The following PCLO variants were observed in gnomAD, a reference collection of about 807,000 sequenced individuals.
The protein encoded by PCLO is piccolo presynaptic cytomatrix protein, also known as protein piccolo.
PCLO carries 82 observed loss-of-function variants against 427.5 expected under a neutral mutation model. The ratio of observed to expected loss-of-function variants is 0.19; its 90% CI spans 0.16 to 0.23. PCLO has a LOEUF of 0.23. PCLO is among the 10% of genes least tolerant of loss of function. PCLO has a pLI of 1.00. For synonymous variants in PCLO, 2,357 were observed against 2,155.4 expected, an observed-to-expected ratio of 1.09 and a Z score of -2.59; for missense variants, 6,239 against 6,115.9, an observed-to-expected ratio of 1.02 and a Z score of -0.67.
At chr7:82,819,767 G>T (rs541273872) in intron 20 of PCLO, among the ~76,000 whole-genome samples, 3 of 152,148 alleles carry the variant, frequency 2.0e-5, no homozygotes, top group Admixed American at 2.0e-4. Flanking sequence ...TTAATAGGGA[G>T]AAGGACATAT....
At chr7:83,131,747 CAAGAA>C (rs1442929104) in intron 3 of PCLO, among the ~76,000 whole-genome samples, 1 of 151,780 alleles carries the variant, frequency 6.6e-6, no homozygotes, top group African/African-American at 2.4e-5. Context: ...TATTAGGTCA[CAAGAA>C]ACATATTACA....
intron 1 of PCLO, among the ~76,000 whole-genome samples, chr7:83,161,708 G>T (rs1433148724): frequency 6.6e-6 from 1 of 152,188 alleles, no homozygotes; most frequent in East Asian, 1.9e-4. Context: ...AATAGCATAT[G>T]CTAATTTAGA....
Position 82,956,951 on chromosome 7 carries a change from A to C in PCLO, c.4018-16T>G. The stretch of plus-strand genomic sequence containing the variant: ...CTTCCTTTTCCTAAGCAGGGAGATA[A>C]AGATACAGGAAAACTTAACATGGTT... On this transcript the variant is annotated splice_polypyrimidine_tract_variant and intron_variant, in intron 4 of 24. Transcript: ENST00000333891. The C allele has an allele frequency of 6.4e-7, 1 of 1,550,874 alleles. No homozygotes were observed. Among genetic ancestry groups the C allele is most frequent in the Non-Finnish European group, 8.7e-7 (1 of 1,150,672 alleles).
At position 82,950,096 on chromosome 7, in the gene PCLO, C is replaced by T. The variant is rs1221245740; in HGVS notation, c.10492G>A (p.Gly3498Ser). 1.2e-6 allele frequency: 2 copies of T among 1,605,932 alleles called. No individual in the cohort carries two copies. Among genetic ancestry groups the T allele is most frequent in the South Asian group, 2.2e-5 (2 of 90,574 alleles). Residue 3498 changes from glycine to serine, a missense_variant, in exon 6 of 25, where the codon GGT (glycine) becomes AGT (serine). This residue lies in a region of PCLO where 4,677 missense variants were observed against 4,468.4 expected (regional missense o/e 1.05). Transcript: ENST00000333891. ...TTGTCAGCCTCTGTCATGCTGTCAC[C>T]ATATTTCCCTACACGAGCTTTCCTC... ...SRRKARVGKY[G>S]DSMTEADKTK...
At chr7:82,892,085 TCATATGGAACCAAAAAAGAGCCCGCA>T (rs1488292252) in intron 9 of PCLO, among the ~76,000 whole-genome samples, 9 of 152,064 alleles carry the variant, frequency 5.9e-5, no homozygotes, top group African/African-American at 2.2e-4. Flanking sequence ...ACTTTAAAGT[TCATATGGAACCAAAAAAGAGCCCGCA>T]TAGCCAAGTC....
chr7:82,765,396 T>G (rs763296), intron 22 of PCLO, among the ~76,000 whole-genome samples: 72,881 of 151,326 alleles, frequency 0.48, 18,434 homozygotes, highest in East Asian at 0.72. Context: ...ATAATAAAGA[T>G]GTCCACTAAA....
chr7:83,115,026 T>G (rs550566155), intron 3 of PCLO, among the ~76,000 whole-genome samples: 1 of 152,216 alleles, frequency 6.6e-6, no homozygotes, highest in South Asian at 2.1e-4. Flanking sequence ...TAGTTACTCA[T>G]GTTATTGCAG....
chr7:82,980,277 T>C (rs191449124), intron 3 of PCLO, among the ~76,000 whole-genome samples: 1 of 152,286 alleles, frequency 6.6e-6, no homozygotes, highest in East Asian at 1.9e-4. Context: ...ACATGTGGAA[T>C]GCTTTATTTT....
chr7:83,038,203 C>A (rs1788880008), intron 3 of PCLO, among the ~76,000 whole-genome samples: 1 of 144,602 alleles, frequency 6.9e-6, no homozygotes, highest in Non-Finnish European at 1.5e-5. Context: ...CATACACACA[C>A]ATATATGTGT....
intron 9 of PCLO, among the ~76,000 whole-genome samples, chr7:82,890,666 C>T (rs549669564): frequency 1.3e-4 from 19 of 151,708 alleles, no homozygotes; most frequent in Admixed American, 7.9e-4. Flanking sequence ...AAAACTAATC[C>T]GCTAATCACA....
At chr7:82,917,402 T>C (rs923047530) in intron 6 of PCLO, among the ~76,000 whole-genome samples, 11 of 152,114 alleles carry the variant, frequency 7.2e-5, no homozygotes, top group Non-Finnish European at 1.5e-4. Flanking sequence ...TTGACTTTAT[T>C]ATCCTGCAGT....
At chr7:83,045,245 C>T (rs1562936655) in intron 3 of PCLO, among the ~76,000 whole-genome samples, 1 of 152,078 alleles carries the variant, frequency 6.6e-6, no homozygotes, top group Non-Finnish European at 1.5e-5. Flanking sequence ...GAGAAAAGAG[C>T]AGCACTCCAG....
chr7:82,993,068 C>T (rs1349755516), intron 3 of PCLO, among the ~76,000 whole-genome samples: 2 of 151,970 alleles, frequency 1.3e-5, no homozygotes, highest in Non-Finnish European at 2.9e-5. Flanking sequence ...TGTATTTGAT[C>T]TTCCCTCCCA....
Position 82,955,042 on chromosome 7 carries a change from C to A in PCLO, c.5911G>T (p.Gly1971Cys). The A allele has an allele frequency of 6.2e-7, 1 of 1,613,812 alleles. No individual in the cohort carries two copies. Among genetic ancestry groups the A allele is most frequent in the South Asian group, 1.1e-5 (1 of 91,084 alleles). ...VEDTYNGSVD[G>C]SLLTRQEEEN... ...TCTTCTTGCCTTGTTAGCAGACTGC[C>A]ATCTACCGATCCATTGTACGTGTCT... Residue 1971 changes from glycine (G) to cysteine (C), a missense_variant, in exon 5 of 25, where the codon GGC becomes TGC. Gly to Cys is a radical substitution (Grantham distance 159). This residue lies in a region of PCLO where 4,677 missense variants were observed against 4,468.4 expected (regional missense o/e 1.05). Coordinates refer to ENST00000333891, the MANE Select transcript of PCLO (RefSeq NM_033026.6).
rs74669090 is a variant in PCLO, at chr7:82,783,852, C to G, written c.15007+17666G>C. ...CCAATTGCTTCTCTCTCTCTTACCC[C>G]TGAAGTAATCATTATTAACTTGATT... On this transcript the variant is annotated intron_variant, in intron 22 of 24. Coordinates refer to ENST00000333891, the MANE Select transcript of PCLO (RefSeq NM_033026.6). 3.7e-3 allele frequency among the ~76,000 whole-genome samples: 560 copies of G among 151,782 alleles called. 7 individuals carry two copies. Among genetic ancestry groups the G allele is most frequent in the African/African-American group, 0.013 (532 of 41,400 alleles).
At chr7:82,923,539 T>C (rs1183718213) in intron 6 of PCLO, among the ~76,000 whole-genome samples, 1 of 152,116 alleles carries the variant, frequency 6.6e-6, no homozygotes, top group Admixed American at 6.6e-5. Flanking sequence ...AAACTGTAAA[T>C]GTGCAATCAC....
Position 82,824,329 on chromosome 7 carries a change from C to T in PCLO, c.14503G>A (p.Gly4835Ser). ...LKEQTESIDH[G>S]KSHSSQSSQQ... The stretch of plus-strand genomic sequence containing the variant: ...CTGCTCTGACTGGAATGAGACTTGC[C>T]ATGATCAATGCTTTCAGTCTGTTCT... The change falls in exon 19 of 25, where the codon GGC becomes AGC. Residue 4835 changes from glycine (G) to serine (S), a missense_variant. Around this residue, in one of 5 missense-constraint regions of PCLO, gnomAD observed 877 missense variants for 925.5 expected, o/e 0.95. Coordinates refer to ENST00000333891, the MANE Select transcript of PCLO (RefSeq NM_033026.6). 1 of 1,613,188 alleles carries T rather than the reference C, an allele frequency of 6.2e-7. No homozygotes were observed. Among genetic ancestry groups the T allele is most frequent in the Non-Finnish European group, 8.5e-7 (1 of 1,179,496 alleles).
At chr7:82,945,282 T>A (rs1417785307) in intron 6 of PCLO, among the ~76,000 whole-genome samples, 3 of 152,222 alleles carry the variant, frequency 2.0e-5, no homozygotes, top group Non-Finnish European at 4.4e-5. Flanking sequence ...GATATCAGAC[T>A]GACAGGGTCT....
intron 6 of PCLO, among the ~76,000 whole-genome samples, chr7:82,929,470 A>T (rs568598742): frequency 1.3e-3 from 205 of 152,204 alleles, no homozygotes; most frequent in African/African-American, 4.5e-3. Context: ...AAGCTCAAAT[A>T]AAAAAATCAA....
Sources: gnomAD v4.1 joint callset for allele counts (sites outside exome capture counted in the v4.1 genomes callset) on GRCh38, gnomAD v4.1.1 for gene constraint, gnomAD v4.1.1 regional missense constraint, MANE v1.5 for transcripts, NCBI Gene and HGNC (gene_info 2026-07-23, HGNC 2026-07-21) for gene names.